Variants in TUB observed in about 807,000 individuals in gnomAD.
TUB encodes tubby protein homolog.
Under a neutral mutation model 59.7 loss-of-function variants are expected in TUB, and 33 were observed. The ratio of observed to expected loss-of-function variants is 0.55; its 90% CI spans 0.42 to 0.74. TUB has a LOEUF of 0.74. TUB is among the 30% of genes least tolerant of loss of function. TUB has a pLI of 0.00. For missense variants in TUB, 659 were observed against 672.0 expected (o/e 0.98, Z 0.21); for synonymous variants, 293 against 256.4 (o/e 1.14, Z -1.36).
exon 1 of TUB, chr11:8,038,747 T>C (rs1589925712): frequency 1.3e-6 from 2 of 1,506,390 alleles, no homozygotes; most frequent in East Asian, 4.6e-5. Flanking sequence ...GCCACGGTGA[T>C]GAAGGGAGAC....
intron 8 of TUB, 94 bp from the exon 9 acceptor site, chr11:8,098,664 T>G: frequency 1.1e-6 from 1 of 888,002 alleles, no homozygotes; most frequent in Non-Finnish European, 1.8e-6. Context: ...CAGCCCAGAA[T>G]GTTTTGCAGG....
At chr11:8,040,027 A>G (rs1942721289) in intron 2 of TUB, among the ~76,000 whole-genome samples, 1 of 152,134 alleles carries the variant, frequency 6.6e-6, no homozygotes, top group African/African-American at 2.4e-5. Flanking sequence ...GCCTTCTCAG[A>G]AAGGAGGTGT....
intron 2 of TUB, 126 bp downstream of exon 2, chr11:8,089,787 A>C: frequency 1.5e-6 from 2 of 1,312,978 alleles, no homozygotes; most frequent in South Asian, 2.5e-5. Flanking sequence ...CCCATGTGGA[A>C]GAAGAGAGGT....
At chr11:8,019,380 C>A in intron 1 of TUB, 1 of 1,239,780 alleles carries the variant, frequency 8.1e-7, no homozygotes, top group South Asian at 3.7e-5. Flanking sequence ...GAAGGGTGGC[C>A]CTGCGTGAGC....
intron 1 of TUB, among the ~76,000 whole-genome samples, chr11:8,031,570 C>T (rs188391166): frequency 6.6e-6 from 1 of 152,218 alleles, no homozygotes; most frequent in Non-Finnish European, 1.5e-5. Context: ...GCGGGGACCT[C>T]GGTCTGCCGT....
At position 8,102,983 on chromosome 11, in the gene TUB, T is replaced by A. The variant is rs1326936482; in HGVS notation, c.*1364T>A. 3 of 152,240 alleles carry A rather than the reference T, an allele frequency of 2.0e-5. No homozygotes were observed. The highest frequency in any genetic ancestry group is 1.5e-5 in the Non-Finnish European group (1 of 68,048). The allele number at this position is 152,240 out of a possible 1,614,324, so 9.4% of individuals were successfully genotyped here. On this transcript the variant is annotated 3_prime_UTR_variant, in exon 12 of 12. Coordinates refer to ENST00000299506, the MANE Select transcript of TUB (RefSeq NM_177972.3). ...ACTTAGAAGCATCAGAGTTGATAAA[T>A]TAGATTGAAACCATTCCAGTAGGAA...
At position 8,090,139 on chromosome 11, in the gene TUB, G is replaced by A. The variant is rs1481525997; in HGVS notation, c.161G>A (p.Gly54Glu). The A allele has an allele frequency of 1.9e-6, 3 of 1,613,588 alleles. No individual in the cohort carries two copies. Among genetic ancestry groups the A allele is most frequent in the Admixed American group, 1.7e-5 (1 of 60,020 alleles). Residue 54 changes from glycine (G) to glutamate (E), a missense_variant, in exon 3 of 12, where the codon GGG (glycine) becomes GAG (glutamate). Around this residue, in one of 3 missense-constraint regions of TUB, gnomAD observed 321 missense variants for 304.3 expected, o/e 1.05. Transcript: ENST00000299506. ...EPLMVQANAD[G>E]RPRSRRARQS... ...CTGATGGTGCAGGCCAATGCAGATG[G>A]GCGGCCCCGGAGCCGGCGGGCCCGG...
chr11:8,059,182 G>A (rs2133769685), intron 2 of TUB, among the ~76,000 whole-genome samples: 1 of 152,196 alleles, frequency 6.6e-6, no homozygotes, highest in East Asian at 1.9e-4. Flanking sequence ...CTCCTGGCCG[G>A]GGGCACTGGG....
chr11:8,047,974 T>C (rs938192291), intron 2 of TUB, among the ~76,000 whole-genome samples: 1 of 152,186 alleles, frequency 6.6e-6, no homozygotes, highest in African/African-American at 2.4e-5. Context: ...ATTTATATCC[T>C]TCACTGTCAT....
At chr11:8,090,420 G>T (rs183468085) in intron 3 of TUB, among the ~76,000 whole-genome samples, 189 bp downstream of exon 3, 1 of 152,342 alleles carries the variant, frequency 6.6e-6, no homozygotes, top group East Asian at 1.9e-4. Context: ...GCCTGTGTAT[G>T]CTCCAGCTGA....
Position 8,103,477 on chromosome 11 carries a change from C to T in TUB, c.*1858C>T, listed in dbSNP as rs1944393011. ...GACTTAAGTAGAAGTAATATGCTCT[C>T]ATTTCTTTGTAATCTAGATTTTCCT... On this transcript the variant is annotated 3_prime_UTR_variant, in exon 12 of 12. Coordinates refer to ENST00000299506, the MANE Select transcript of TUB (RefSeq NM_177972.3). The T allele has an allele frequency of 1.3e-5, 2 of 152,528 alleles. No individual in the cohort carries two copies. The highest frequency in any genetic ancestry group is 4.1e-4 in the South Asian group (2 of 4,822). 9.4% of individuals were successfully genotyped at this position (152,528 alleles called of 1,614,324 possible).
chr11:8,027,960 G>A (rs891351473), intron 1 of TUB, among the ~76,000 whole-genome samples: 3 of 152,196 alleles, frequency 2.0e-5, no homozygotes, highest in African/African-American at 7.2e-5. Flanking sequence ...AAACCTAGGA[G>A]TAGAATTGCT....
intron 2 of TUB, among the ~76,000 whole-genome samples, chr11:8,063,882 T>G (rs1943181023): frequency 1.3e-5 from 2 of 152,224 alleles, no homozygotes; most frequent in Admixed American, 6.5e-5. Flanking sequence ...TATAGCTGTT[T>G]TATTTACTTT....
At chr11:8,075,460 T>C (rs1305130262) in intron 2 of TUB, 1 of 152,240 alleles carries the variant, frequency 6.6e-6, no homozygotes, top group African/African-American at 2.4e-5. Flanking sequence ...AGTACCTACC[T>C]TGAAGTGTTG....
intron 2 of TUB, among the ~76,000 whole-genome samples, chr11:8,053,563 C>A (rs561184107): frequency 2.6e-5 from 4 of 151,732 alleles, no homozygotes; most frequent in African/African-American, 7.2e-5. Flanking sequence ...TGCAGTTGCA[C>A]GATCTCGGCT....
intron 1 of TUB, among the ~76,000 whole-genome samples, chr11:8,031,440 G>A (rs1020967456): frequency 2.6e-5 from 4 of 152,212 alleles, no homozygotes; most frequent in African/African-American, 9.6e-5. Context: ...AGGAGCCCCT[G>A]TGCCTAGAGC....
At chr11:8,090,266 G>A in intron 3 of TUB, 35 bp downstream of exon 3, 1 of 1,606,094 alleles carries the variant, frequency 6.2e-7, no homozygotes, top group Non-Finnish European at 8.5e-7. Flanking sequence ...TCCCGTCACT[G>A]CTTCGGGGAG....
At chr11:8,066,044 G>T (rs1231411388) in intron 2 of TUB, among the ~76,000 whole-genome samples, 1 of 152,206 alleles carries the variant, frequency 6.6e-6, no homozygotes, top group Admixed American at 6.5e-5. Flanking sequence ...GTGCATGGTG[G>T]TCAGTGCTTG....
intron 7 of TUB, 132 bp downstream of exon 7, chr11:8,097,557 G>C (rs1944053468): frequency 5.1e-6 from 7 of 1,374,330 alleles, no homozygotes; most frequent in Non-Finnish European, 6.1e-6. Context: ...TTCGTGTCTG[G>C]TCTGTGCACA....
Sources: allele counts gnomAD v4.1 joint callset (sites outside exome capture counted in the v4.1 genomes callset), GRCh38; gene constraint gnomAD v4.1.1; regional missense constraint gnomAD v4.1.1; transcripts MANE v1.5; gene names NCBI Gene and HGNC (gene_info 2026-07-23, HGNC 2026-07-21).